LGR4: variants seen among roughly 807,000 people sequenced by gnomAD.
LGR4 encodes the protein leucine rich repeat containing G protein-coupled receptor 4, also known as leucine-rich repeat-containing G protein-coupled receptor 4.
In LGR4, 44 loss-of-function variants were observed where a neutral mutation model predicts 84.8. The observed-to-expected ratio is 0.52, with a 90% confidence interval of 0.41 to 0.67. The LOEUF (loss-of-function observed/expected upper bound fraction) is 0.67. Ranked by LOEUF, LGR4 falls within the 30% of genes least tolerant of loss-of-function variation. The pLI, the probability that LGR4 is intolerant of heterozygous loss-of-function variation, is 0.00. For missense variants in LGR4, 1,032 were observed against 1,131.4 expected, an observed-to-expected ratio of 0.91 and a Z score of 1.26; for synonymous variants, 429 against 434.3, an observed-to-expected ratio of 0.99 and a Z score of 0.15.
intron 1 of LGR4, among the ~76,000 whole-genome samples, chr11:27,463,605 G>T (rs1443561388): frequency 6.6e-6 from 1 of 151,976 alleles, no homozygotes; most frequent in Non-Finnish European, 1.5e-5. Context: ...GGCCAACATG[G>T]TGAAACCCCG....
At chr11:27,427,792 T>C (rs1431891665) in intron 1 of LGR4, among the ~76,000 whole-genome samples, 1 of 152,204 alleles carries the variant, frequency 6.6e-6, no homozygotes, top group Non-Finnish European at 1.5e-5. Context: ...TTCAGGAAGT[T>C]ACACCGAATT....
At chr11:27,408,574 C>G (rs1863654765) in intron 2 of LGR4, among the ~76,000 whole-genome samples, 1 of 152,060 alleles carries the variant, frequency 6.6e-6, no homozygotes, top group Non-Finnish European at 1.5e-5. Flanking sequence ...CAGCCATCCC[C>G]CAAATGACTA....
At chr11:27,419,799 A>G (rs1382090330) in intron 1 of LGR4, among the ~76,000 whole-genome samples, 1 of 151,974 alleles carries the variant, frequency 6.6e-6, no homozygotes, top group Non-Finnish European at 1.5e-5. Context: ...ATGATTTCAA[A>G]CACCTTATGC....
rs746178820 is a variant in LGR4, at chr11:27,382,253, G to A, written c.693C>T (p.Asp231=). Residue 231 remains aspartate (D), a synonymous_variant, in exon 7 of 18, where the codon GAC becomes GAT. Coordinates refer to ENST00000379214, the MANE Select transcript of LGR4 (RefSeq NM_018490.5). ...ATTCCCCCAAGTTATTATAATTCAA[G>A]TCTCTAGAAAAAAATGGGTGAAAAT... The part of the protein sequence containing the change: ...FDGLDNLETL[D]LNYNNLGEFP... The A allele has an allele frequency of 1.9e-6, 3 of 1,599,906 alleles. No individual in the cohort carries two copies. Among genetic ancestry groups the A allele is most frequent in the Non-Finnish European group, 1.7e-6 (2 of 1,168,176 alleles).
chr11:27,371,632 T>C lies in LGR4; in HGVS notation c.1562A>G (p.His521Arg). 2.5e-6 allele frequency: 4 copies of C among 1,612,916 alleles called. No individual in the cohort carries two copies. Among genetic ancestry groups the C allele is most frequent in the Non-Finnish European group, 2.5e-6 (3 of 1,179,156 alleles). Reference sequence around the variant, plus strand: ...AGGCATACCTGTTGAAGGTGTACAATGGATAATTATTTGACTATGTTCTTC... The same window carrying C: ...AGGCATACCTGTTGAAGGTGTACAACGGATAATTATTTGACTATGTTCTTC... ...ENEEHSQIII[H>R]CTPSTGAFKP... The change falls in exon 17 of 18, where the codon CAT becomes CGT. Residue 521 changes from histidine (H) to arginine (R), a missense_variant. Transcript: ENST00000379214.
At chr11:27,443,291 C>T (rs1297736725) in intron 1 of LGR4, among the ~76,000 whole-genome samples, 2 of 152,174 alleles carry the variant, frequency 1.3e-5, no homozygotes, top group Non-Finnish European at 2.9e-5. Flanking sequence ...ATTACACACT[C>T]AAGTAATACC....
intron 1 of LGR4, among the ~76,000 whole-genome samples, chr11:27,417,519 T>C (rs984872820): frequency 6.6e-6 from 1 of 152,142 alleles, no homozygotes; most frequent in Non-Finnish European, 1.5e-5. Flanking sequence ...CAACCACAAG[T>C]AGTAAAGACA....
At chr11:27,443,691 GA>G (rs1864339797) in intron 1 of LGR4, among the ~76,000 whole-genome samples, 1 of 152,114 alleles carries the variant, frequency 6.6e-6, no homozygotes, top group South Asian at 2.1e-4. Flanking sequence ...ACCCTTTCAT[GA>G]AAATTCCAGG....
chr11:27,441,585 A>C (rs369723719), intron 1 of LGR4, among the ~76,000 whole-genome samples: 34 of 152,366 alleles, frequency 2.2e-4, no homozygotes, highest in African/African-American at 7.7e-4. Context: ...AAAAAGTTCA[A>C]GGGACATGAG....
chr11:27,390,994 T>A, intron 4 of LGR4, 100 bp downstream of exon 4: 1 of 712,746 alleles, frequency 1.4e-6, no homozygotes, highest in Non-Finnish European at 2.3e-6. Context: ...TTATCTCAGA[T>A]GAAAGGATAA....
chr11:27,372,240 T>C lies in LGR4; in HGVS notation c.1495+43A>G, dbSNP rs781394970. 12 of 1,073,596 alleles carry C rather than the reference T, an allele frequency of 1.1e-5. No individual in the cohort carries two copies. In the South Asian group the frequency reaches 1.4e-4, roughly 12 times the overall value. 66.5% of individuals were successfully genotyped at this position (1,073,596 alleles called of 1,614,324 possible). A position where few individuals can be genotyped will look rare whatever the true frequency, so the allele number is the denominator to read the frequency against. On this transcript the variant is annotated intron_variant, in intron 16 of 17. Coordinates refer to ENST00000379214, the MANE Select transcript of LGR4 (RefSeq NM_018490.5). ...TTATAATAACAGGAACTTTAATCAA[T>C]GCCTTAAAGGAGTGTTCTATTTTTT...
At position 27,369,057 on chromosome 11, in the gene LGR4, T is replaced by C; in HGVS notation, c.1666A>G (p.Asn556Asp). 1 of 1,613,938 alleles carries C rather than the reference T, an allele frequency of 6.2e-7. No individual in the cohort carries two copies. Among genetic ancestry groups the C allele is most frequent in the Admixed American group, 1.7e-5 (1 of 59,998 alleles). Residue 556 changes from asparagine (N) to aspartate (D), a missense_variant, in exon 18 of 18, where the codon AAC (asparagine) becomes GAC (aspartate). Coordinates refer to ENST00000379214, the MANE Select transcript of LGR4 (RefSeq NM_018490.5). The part of the protein sequence containing the change: ...WFIFLVALFF[N>D]LLVILTTFAS... ...AATGTTGTTAAAATAACAAGCAGGT[T>C]GAAAAATAATGCAACCAAGAAAATG...
chr11:27,400,079 T>C (rs1372139132), intron 2 of LGR4, among the ~76,000 whole-genome samples: 1 of 152,198 alleles, frequency 6.6e-6, no homozygotes, highest in Non-Finnish European at 1.5e-5. Context: ...ATGTGAAATC[T>C]GAAATGCTCC....
chr11:27,410,969 C>T (rs1390550843), intron 2 of LGR4, among the ~76,000 whole-genome samples: 1 of 152,104 alleles, frequency 6.6e-6, no homozygotes, highest in African/African-American at 2.4e-5. Flanking sequence ...GTGAACTTCG[C>T]TAAGCAGATT....
At position 27,382,173 on chromosome 11, in the gene LGR4, T is replaced by A; in HGVS notation, c.758+15A>T. 1 of 1,540,928 alleles carries A rather than the reference T, an allele frequency of 6.5e-7. No individual in the cohort carries two copies. Among genetic ancestry groups the A allele is most frequent in the Non-Finnish European group, 9.0e-7 (1 of 1,116,184 alleles). On this transcript the variant is annotated intron_variant, in intron 7 of 17. Coordinates refer to ENST00000379214, the MANE Select transcript of LGR4 (RefSeq NM_018490.5). ...CAGGGATATGAAGACATAAAGAGAA[T>A]GAAGCAATACTCACAGCTCTTTAAG...
intron 1 of LGR4, among the ~76,000 whole-genome samples, chr11:27,465,853 T>C (rs918785085): frequency 2.6e-5 from 4 of 152,222 alleles, no homozygotes; most frequent in African/African-American, 7.2e-5. Context: ...ACTGATTTGC[T>C]AAATGTCCTA....
At chr11:27,433,251 C>G (rs929353652) in intron 1 of LGR4, among the ~76,000 whole-genome samples, 3 of 152,128 alleles carry the variant, frequency 2.0e-5, no homozygotes, top group African/African-American at 4.8e-5. Flanking sequence ...CTCGCTCTGT[C>G]ATCCAGGCTG....
intron 2 of LGR4, among the ~76,000 whole-genome samples, chr11:27,410,688 T>C (rs1863694197): frequency 6.6e-6 from 1 of 152,136 alleles, no homozygotes; most frequent in Non-Finnish European, 1.5e-5. Context: ...ACTGTAAAAG[T>C]TATTAAAGAC....
chr11:27,368,666 T>C lies in LGR4; in HGVS notation c.2057A>G (p.Glu686Gly), dbSNP rs1407876071. The change falls in exon 18 of 18, where the codon GAA (glutamate) becomes GGA (glycine). Residue 686 changes from glutamate (E) to glycine (G), a missense_variant. Coordinates refer to ENST00000379214, the MANE Select transcript of LGR4 (RefSeq NM_018490.5). ...CAAACAAAGGGGTGATGCAGAATAT[T>C]CCCCTCTATGGAAAAGGGGAAAACA... ...AGCFPLFHRG[E>G]YSASPLCLPF... 10 of 1,613,876 alleles carry C rather than the reference T, an allele frequency of 6.2e-6. No individual in the cohort carries two copies. The highest frequency in any genetic ancestry group is 7.6e-6 in the Non-Finnish European group (9 of 1,179,926).
Sources: allele counts gnomAD v4.1 joint callset (sites outside exome capture counted in the v4.1 genomes callset), GRCh38; gene constraint gnomAD v4.1.1; transcripts MANE v1.5; gene names NCBI Gene and HGNC (gene_info 2026-07-23, HGNC 2026-07-21).